Variants in HSD17B11 observed in about 807,000 individuals in gnomAD.
HSD17B11 encodes the protein estradiol 17-beta-dehydrogenase 11.
HSD17B11 carries 22 observed loss-of-function variants against 27.8 expected under a neutral mutation model. The ratio of observed to expected loss-of-function variants is 0.79; its 90% CI spans 0.56 to 1.13. The LOEUF is 1.13. Among genes scored for constraint, HSD17B11 ranks in the 50% most tolerant of loss-of-function variants. HSD17B11 has a pLI of 0.00. For synonymous variants in HSD17B11, 117 were observed against 132.8 expected (o/e 0.88, Z 0.82); for missense variants, 314 against 351.1 (o/e 0.89, Z 0.84).
rs747852412 is a variant in HSD17B11, at chr4:87,357,424, TAGAG to T, written c.558-12_558-9del. The T allele has an allele frequency of 1.9e-6, 3 of 1,609,438 alleles. No homozygotes were observed. The highest frequency in any genetic ancestry group is 2.5e-6 in the Non-Finnish European group (3 of 1,178,314). On this transcript the variant is annotated splice_polypyrimidine_tract_variant and intron_variant, in intron 4 of 6. Transcript: ENST00000358290. ...GCAGCAAACTTGCTTGAACTGAAAA[TAGAG>T]AGTTTACAAAATAATTCAAGAATTC... is the stretch of plus-strand genomic sequence containing the variant.
At chr4:87,379,757 T>C (rs1720080543) in intron 2 of HSD17B11, among the ~76,000 whole-genome samples, 1 of 134,548 alleles carries the variant, frequency 7.4e-6, no homozygotes, top group South Asian at 2.2e-4. Flanking sequence ...TAGTATAATA[T>C]AGTATAACAG....
At chr4:87,372,876 G>A in intron 3 of HSD17B11, 61 bp from the exon 4 acceptor site, 1 of 993,440 alleles carries the variant, frequency 1.0e-6, no homozygotes, top group Non-Finnish European at 1.6e-6. Context: ...AGACCTATTG[G>A]GAATATTTTG....
intron 4 of HSD17B11, among the ~76,000 whole-genome samples, chr4:87,361,525 T>C (rs1735513990): frequency 6.6e-6 from 1 of 152,184 alleles, no homozygotes; most frequent in Admixed American, 6.5e-5. Context: ...CCTGGCACTC[T>C]GGGAGGCCAA....
At chr4:87,338,498 C>G (rs1735096409) in intron 6 of HSD17B11, among the ~76,000 whole-genome samples, 1 of 152,108 alleles carries the variant, frequency 6.6e-6, no homozygotes, top group African/African-American at 2.4e-5. Context: ...TGGCATATAA[C>G]ATTTATTGAG....
chr4:87,382,770 C>T (rs1720209010), intron 1 of HSD17B11, among the ~76,000 whole-genome samples: 1 of 152,072 alleles, frequency 6.6e-6, no homozygotes, highest in Non-Finnish European at 1.5e-5. Context: ...AATGAGTTAA[C>T]CACAGTTCAT....
chr4:87,342,833 T>C (rs1735195046), intron 5 of HSD17B11, among the ~76,000 whole-genome samples: 1 of 152,040 alleles, frequency 6.6e-6, no homozygotes, highest in Non-Finnish European at 1.5e-5. Context: ...GGAGAGGAAA[T>C]GTAATAATGA....
chr4:87,378,857 AATATATATAAATATATATATATAAAT>A (rs1720010682), intron 2 of HSD17B11, among the ~76,000 whole-genome samples: 2 of 19,196 alleles, frequency 1.0e-4, no homozygotes, highest in African/African-American at 3.1e-4. Flanking sequence ...TATATATATA[AATATATATAAATATATATATATAAAT>A]ATATATATAT....
intron 4 of HSD17B11, among the ~76,000 whole-genome samples, chr4:87,366,429 A>G (rs2110121958): frequency 6.6e-6 from 1 of 152,350 alleles, no homozygotes; most frequent in South Asian, 2.1e-4. Flanking sequence ...TAATACATTA[A>G]TGTAAAGGTG....
intron 4 of HSD17B11, among the ~76,000 whole-genome samples, chr4:87,360,203 G>T (rs1350841047): frequency 8.6e-6 from 1 of 116,758 alleles, no homozygotes; most frequent in Non-Finnish European, 2.0e-5. Flanking sequence ...TCTTTTTAAG[G>T]CTTCATTCAA....
At chr4:87,379,187 C>T (rs1262365688) in intron 2 of HSD17B11, among the ~76,000 whole-genome samples, 2 of 148,958 alleles carry the variant, frequency 1.3e-5, no homozygotes, top group African/African-American at 4.9e-5. Context: ...GAACTCCTGA[C>T]TTCAGGTGAC....
At chr4:87,363,906 G>A (rs185191207) in intron 4 of HSD17B11, among the ~76,000 whole-genome samples, 2 of 152,274 alleles carry the variant, frequency 1.3e-5, no homozygotes, top group East Asian at 1.9e-4. Flanking sequence ...GCACCTAGGA[G>A]TTTACCTTTG....
Position 87,357,403 on chromosome 4 carries a change from C to G in HSD17B11, c.571G>C (p.Ala191Pro). Residue 191 changes from alanine to proline, a missense_variant, in exon 5 of 7, where the codon GCT becomes CCT. Ala to Pro is a conservative substitution (Grantham distance 27). Transcript: ENST00000358290. ...FLLAYCSSKF[A>P]AVGFHKTLTD... ...AAAGTTTTATGAAATCCAACAGCAG[C>G]AAACTTGCTTGAACTGAAAATAGAG... 1 of 1,610,788 alleles carries G rather than the reference C, an allele frequency of 6.2e-7. No individual in the cohort carries two copies. The highest frequency in any genetic ancestry group is 8.5e-7 in the Non-Finnish European group (1 of 1,179,184).
Position 87,357,341 on chromosome 4 carries a change from G to A in HSD17B11, c.633C>T (p.Val211=), listed in dbSNP as rs146031247. 1.6e-5 allele frequency: 26 copies of A among 1,613,352 alleles called. No homozygotes were observed. In the African/African-American group the frequency reaches 3.1e-4, roughly 19 times the overall value. ...DELAALQITG[V]KTTCLCPNFV... ...AATTAGGACACAGACATGTTGTTTT[G>A]ACTCCAGTTATTTGTAAGGCAGCCA... Residue 211 remains valine, a synonymous_variant, in exon 5 of 7, where the codon GTC becomes GTT. Coordinates refer to ENST00000358290, the MANE Select transcript of HSD17B11 (RefSeq NM_016245.5).
At position 87,340,547 on chromosome 4, in the gene HSD17B11, G is replaced by A; in HGVS notation, c.755C>T (p.Thr252Ile). 1 of 1,611,980 alleles carries A rather than the reference G, an allele frequency of 6.2e-7. No homozygotes were observed. The highest frequency in any genetic ancestry group is 8.5e-7 in the Non-Finnish European group (1 of 1,179,050). ...TGGAATAAAAATCATCTTCTGCTCA[G>A]TCAGAATCCCATGCATCAGCCTGTT... ...VVNRLMHGIL[T>I]EQKMIFIPSS... Residue 252 changes from threonine (T) to isoleucine (I), a missense_variant, in exon 6 of 7, where the codon ACT (threonine) becomes ATT (isoleucine). Transcript: ENST00000358290.
intron 4 of HSD17B11, among the ~76,000 whole-genome samples, chr4:87,371,064 C>T (rs1735709015): frequency 6.6e-6 from 1 of 151,306 alleles, no homozygotes; most frequent in Non-Finnish European, 1.5e-5. Context: ...TTATTATTAA[C>T]CTATTTTACA....
chr4:87,377,222 C>T (rs1377680598), intron 2 of HSD17B11, among the ~76,000 whole-genome samples: 2 of 152,066 alleles, frequency 1.3e-5, no homozygotes, highest in African/African-American at 4.8e-5. Flanking sequence ...GAGGCTGAGG[C>T]AGGTGGATCA....
At chr4:87,389,830 C>T (rs1308106249) in intron 1 of HSD17B11, among the ~76,000 whole-genome samples, 1 of 152,194 alleles carries the variant, frequency 6.6e-6, no homozygotes, top group African/African-American at 2.4e-5. Context: ...TCCTCTTCTC[C>T]TCCCTAAGCC....
rs1735697714 is a variant in HSD17B11, at chr4:87,370,752, ATTATTTT to A, written c.557+1950_557+1956del. ...TATTATTATTATTATTATTATTATT[ATTATTTT>A]TTTTTTTTTTTGAGACGGAGTCTCG... On this transcript the variant is annotated intron_variant, in intron 4 of 6. Coordinates refer to ENST00000358290, the MANE Select transcript of HSD17B11 (RefSeq NM_016245.5). 1.1e-4 allele frequency among the ~76,000 whole-genome samples: 6 copies of A among 53,046 alleles called. 1 individual carries two copies. The African/African-American group carries it at 1.5e-3, about 13-fold the overall frequency. The allele number at this position is 53,046 out of a possible 152,430, so 34.8% of individuals were successfully genotyped here. A position where few individuals can be genotyped will look rare whatever the true frequency, so the allele number is the denominator to read the frequency against.
intron 2 of HSD17B11, among the ~76,000 whole-genome samples, chr4:87,375,828 A>G (rs1735811694): frequency 1.1e-5 from 1 of 92,322 alleles, no homozygotes; most frequent in East Asian, 2.0e-4. Context: ...AGCTGGCCAC[A>G]TTTTCTATTT....
Sources: allele counts gnomAD v4.1 joint callset (sites outside exome capture counted in the v4.1 genomes callset), GRCh38; gene constraint gnomAD v4.1.1; transcripts MANE v1.5; gene names NCBI Gene and HGNC (gene_info 2026-07-23, HGNC 2026-07-21).